The following CSMD1 variants were observed in gnomAD, a reference collection of about 807,000 sequenced individuals.
CSMD1 encodes CUB and sushi domain-containing protein 1.
A neutral mutation model predicts 417.5 loss-of-function variants in CSMD1; 213 were observed. That is an observed-to-expected ratio of 0.51 (90% CI 0.46 to 0.57). The LOEUF is 0.57. Among genes scored for constraint, CSMD1 ranks in the 20% least tolerant of loss-of-function variants. CSMD1 has a pLI of 0.00. For synonymous variants in CSMD1, 2,862 were observed against 1,736.8 expected, an observed-to-expected ratio of 1.65 and a Z score of -16.11; for missense variants, 6,923 against 4,529.7, an observed-to-expected ratio of 1.53 and a Z score of -15.17.
rs538885775 is a variant in CSMD1, at chr8:3,899,005, T to A, written c.818+98898A>T. On this transcript the variant is annotated intron_variant, in intron 5 of 69. Coordinates refer to ENST00000635120, the MANE Select transcript of CSMD1 (RefSeq NM_033225.6). ...GTACATATTTCAGTGCTAAAATATG[T>A]GCTAGAAGCCACAAAGGTCGTACGC... Among the ~76,000 whole-genome samples the A allele has an allele frequency of 9.8e-5, 15 of 152,308 alleles. No homozygotes were observed. In the South Asian group the frequency reaches 2.7e-3, roughly 27 times the overall value.
chr8:3,662,548 A>G (rs1005844774), intron 7 of CSMD1, among the ~76,000 whole-genome samples: 1 of 152,206 alleles, frequency 6.6e-6, no homozygotes, highest in African/African-American at 2.4e-5. Context: ...CCTTTTGGCT[A>G]TATACCCAGT....
chr8:4,747,624 G>A (rs74692337), intron 1 of CSMD1, among the ~76,000 whole-genome samples: 1 of 152,132 alleles, frequency 6.6e-6, no homozygotes, highest in East Asian at 1.9e-4. Flanking sequence ...TCTGGAGTTA[G>A]CATCATTATC....
At chr8:4,136,544 CA>C (rs1803446877) in intron 3 of CSMD1, among the ~76,000 whole-genome samples, 1 of 152,200 alleles carries the variant, frequency 6.6e-6, no homozygotes, top group African/African-American at 2.4e-5. Context: ...TGACTCTCAG[CA>C]AAAGATGCAA....
At chr8:3,125,557 TCAAA>T (rs748273598) in intron 41 of CSMD1, among the ~76,000 whole-genome samples, 7 of 152,222 alleles carry the variant, frequency 4.6e-5, no homozygotes, top group Non-Finnish European at 8.8e-5. Flanking sequence ...GCCACGATTA[TCAAA>T]CAAATTCTGA....
intron 1 of CSMD1, among the ~76,000 whole-genome samples, chr8:4,681,937 G>C (rs1325026600): frequency 2.0e-5 from 3 of 152,104 alleles, no homozygotes; most frequent in Non-Finnish European, 2.9e-5. Context: ...AGGAAGTGTT[G>C]ATTTATTTTC....
chr8:3,254,806 A>G (rs898970366), intron 26 of CSMD1, among the ~76,000 whole-genome samples: 1 of 152,076 alleles, frequency 6.6e-6, no homozygotes, highest in African/African-American at 2.4e-5. Context: ...CTTCTTTGCC[A>G]TGGGTTCAAA....
chr8:4,384,251 T>C (rs572793907), intron 3 of CSMD1, among the ~76,000 whole-genome samples: 23 of 152,216 alleles, frequency 1.5e-4, no homozygotes, highest in African/African-American at 5.5e-4. Flanking sequence ...TTACAGACTT[T>C]TTTTTTTGCC....
intron 11 of CSMD1, among the ~76,000 whole-genome samples, chr8:3,487,029 G>C (rs112496827): frequency 2.0e-5 from 3 of 152,194 alleles, no homozygotes; most frequent in South Asian, 2.1e-4. Context: ...CACACAGAAG[G>C]TGACACAAAA....
chr8:2,961,526 ATAATGACC>A (rs1803488581), intron 61 of CSMD1, among the ~76,000 whole-genome samples: 1 of 152,142 alleles, frequency 6.6e-6, no homozygotes, highest in Non-Finnish European at 1.5e-5. Flanking sequence ...ACTATCTTCA[ATAATGACC>A]TATCACTATC....
At chr8:3,950,331 A>G (rs535682168) in intron 5 of CSMD1, among the ~76,000 whole-genome samples, 21 of 152,350 alleles carry the variant, frequency 1.4e-4, no homozygotes, top group African/African-American at 3.4e-4. Context: ...TAGAAAAGCC[A>G]TCTGACTCTA....
intron 2 of CSMD1, among the ~76,000 whole-genome samples, chr8:4,607,048 C>A (rs1422630049): frequency 1.3e-5 from 2 of 152,106 alleles, no homozygotes; most frequent in African/African-American, 4.8e-5. Flanking sequence ...ATCATTTGCT[C>A]TTCAACCATA....
intron 21 of CSMD1, among the ~76,000 whole-genome samples, chr8:3,350,259 TATA>T (rs1314740421): frequency 4.9e-5 from 7 of 143,570 alleles, no homozygotes; most frequent in Admixed American, 1.5e-4. Flanking sequence ...TTATAATACC[TATA>T]ATAACCTATA....
chr8:3,688,992 C>T (rs1034293281), intron 7 of CSMD1, among the ~76,000 whole-genome samples: 3 of 152,108 alleles, frequency 2.0e-5, no homozygotes, highest in Non-Finnish European at 2.9e-5. Flanking sequence ...ACTTTCGAGG[C>T]TCTGCATAGA....
intron 47 of CSMD1, among the ~76,000 whole-genome samples, chr8:3,096,361 C>G (rs1014459081): frequency 6.0e-5 from 9 of 149,472 alleles, no homozygotes; most frequent in African/African-American, 2.2e-4. Flanking sequence ...GTGGGTGGGT[C>G]TTTCCCATGC....
At chr8:3,668,406 T>C (rs1294176975) in intron 7 of CSMD1, among the ~76,000 whole-genome samples, 1 of 152,120 alleles carries the variant, frequency 6.6e-6, no homozygotes, top group African/African-American at 2.4e-5. Flanking sequence ...ATTTTTAAGA[T>C]AACTCAGGTA....
chr8:3,264,772 G>A (rs1193093176), intron 26 of CSMD1, among the ~76,000 whole-genome samples: 4 of 152,090 alleles, frequency 2.6e-5, no homozygotes, highest in African/African-American at 9.7e-5. Context: ...AGCTAGTAAA[G>A]ATGAGGCTAA....
chr8:4,032,490 A>T (rs2554570), intron 3 of CSMD1, among the ~76,000 whole-genome samples: 1 of 152,070 alleles, frequency 6.6e-6, no homozygotes. Flanking sequence ...ACAGTGGCAT[A>T]AGAAATACTG....
chr8:3,656,799 C>T (rs115722574), intron 7 of CSMD1, among the ~76,000 whole-genome samples: 4,600 of 152,126 alleles, frequency 0.03, 243 homozygotes, highest in African/African-American at 0.1. Flanking sequence ...GGTGGGCATC[C>T]CTGTAGTCCC....
chr8:3,951,236 G>A (rs1037369219), intron 5 of CSMD1, among the ~76,000 whole-genome samples: 2 of 152,146 alleles, frequency 1.3e-5, no homozygotes, highest in African/African-American at 2.4e-5. Context: ...GGCGGGCACG[G>A]GTCTGACGGT....
Sources: allele counts gnomAD v4.1 joint callset (sites outside exome capture counted in the v4.1 genomes callset), GRCh38; gene constraint gnomAD v4.1.1; transcripts MANE v1.5; gene names NCBI Gene and HGNC (gene_info 2026-07-23, HGNC 2026-07-21).